COL28A1: variants seen among roughly 807,000 people sequenced by gnomAD.
The protein encoded by COL28A1 is collagen alpha-1(XXVIII) chain.
In COL28A1, 161 loss-of-function variants were observed where a neutral mutation model predicts 150.2. The observed-to-expected ratio is 1.07, with a 90% CI of 0.94 to 1.22. The LOEUF (loss-of-function observed/expected upper bound fraction) is 1.22. Among genes scored for constraint, COL28A1 ranks in the 50% most tolerant of loss-of-function variants. The probability of loss-of-function intolerance (pLI) is 0.00; values close to 1 mark genes in which losing one functional copy is unlikely to be tolerated. For synonymous variants in COL28A1, 552 were observed against 469.7 expected, an observed-to-expected ratio of 1.18 and a Z score of -2.26; for missense variants, 1,617 against 1,388.3, an observed-to-expected ratio of 1.16 and a Z score of -2.62.
chr7:7,360,548 T>C lies in COL28A1; in HGVS notation c.3067-20A>G, dbSNP rs954323026. The C allele has an allele frequency of 1.3e-6, 2 of 1,589,202 alleles. No homozygotes were observed. The highest frequency in any genetic ancestry group is 3.5e-4 in the Middle Eastern group (2 of 5,682). Reference sequence around the variant, plus strand: ...ACTCAACTACACAAAAATATTCACATTTTGTGTTTCTGATAATATCAAGTA... The same window carrying C: ...ACTCAACTACACAAAAATATTCACACTTTGTGTTTCTGATAATATCAAGTA... On this transcript the variant is annotated intron_variant, in intron 33 of 34. Coordinates refer to ENST00000399429, the MANE Select transcript of COL28A1 (RefSeq NM_001037763.3).
chr7:7,465,324 G>T (rs974889324), intron 15 of COL28A1, among the ~76,000 whole-genome samples: 6 of 144,252 alleles, frequency 4.2e-5, no homozygotes, highest in East Asian at 2.1e-4. Flanking sequence ...TTCCCTTTCC[G>T]AGTCAAAGAA....
At chr7:7,463,603 T>C (rs1193283610) in intron 15 of COL28A1, among the ~76,000 whole-genome samples, 3 of 152,186 alleles carry the variant, frequency 2.0e-5, no homozygotes, top group Non-Finnish European at 4.4e-5. Context: ...ATACAGTCTT[T>C]TTCAGACAAA....
At chr7:7,380,628 A>T in intron 30 of COL28A1, 32 bp downstream of exon 30, 1 of 1,600,866 alleles carries the variant, frequency 6.2e-7, no homozygotes, top group Non-Finnish European at 8.5e-7. Flanking sequence ...CAAGCACAAA[A>T]CCCTCAATTA....
chr7:7,542,215 G>T, the COL28A1 span, among the ~76,000 whole-genome samples: 1 of 152,166 alleles, frequency 6.6e-6, no homozygotes, highest in African/African-American at 2.4e-5. Context: ...GGGCGTGGTG[G>T]TGCATGCCTG....
intron 13 of COL28A1, among the ~76,000 whole-genome samples, chr7:7,488,650 G>A (rs572885403): frequency 7.2e-5 from 11 of 152,288 alleles, no homozygotes; most frequent in Non-Finnish European, 1.5e-4. Context: ...AAGAGATGCT[G>A]TGAATAACGC....
At chr7:7,475,141 TTA>T (rs1421021931) in intron 14 of COL28A1, among the ~76,000 whole-genome samples, 22 of 152,148 alleles carry the variant, frequency 1.4e-4, no homozygotes, top group Admixed American at 1.3e-4. Flanking sequence ...CATTGAAAAT[TTA>T]TGTTTAAAAG....
intron 3 of COL28A1, among the ~76,000 whole-genome samples, chr7:7,526,819 G>A (rs1782049765): frequency 1.3e-5 from 2 of 152,070 alleles, no homozygotes; most frequent in African/African-American, 4.8e-5. Context: ...ATTTTTAGTA[G>A]AGACAGGGTT....
chr7:7,365,727 G>C (rs886499755), intron 33 of COL28A1, among the ~76,000 whole-genome samples: 4 of 152,140 alleles, frequency 2.6e-5, no homozygotes, highest in Non-Finnish European at 5.9e-5. Context: ...TTTGTGTTAA[G>C]ACTTAGCATA....
chr7:7,376,506 G>C (rs1277611193), intron 30 of COL28A1, among the ~76,000 whole-genome samples: 5 of 152,092 alleles, frequency 3.3e-5, no homozygotes, highest in Admixed American at 3.3e-4. Context: ...CTGCAGTGCT[G>C]AGTTATATAA....
chr7:7,379,525 C>G (rs1781748568), intron 30 of COL28A1, among the ~76,000 whole-genome samples: 1 of 152,214 alleles, frequency 6.6e-6, no homozygotes, highest in Non-Finnish European at 1.5e-5. Context: ...TCTTTGTTGT[C>G]TTTCTCTCCA....
chr7:7,462,861 CAAA>C (rs3040227), intron 15 of COL28A1, among the ~76,000 whole-genome samples: 5 of 113,920 alleles, frequency 4.4e-5, no homozygotes, highest in African/African-American at 8.5e-5. Flanking sequence ...AACTCCATCT[CAAA>C]AAAAAAAAAA....
At chr7:7,485,491 AG>A (rs940523000) in intron 13 of COL28A1, among the ~76,000 whole-genome samples, 2 of 152,080 alleles carry the variant, frequency 1.3e-5, no homozygotes, top group African/African-American at 4.8e-5. Context: ...ATTACTTTTT[AG>A]GGGGGGATCA....
rs574826123 is a variant in COL28A1, at chr7:7,490,186, C to T, written c.1095+392G>A. 2.6e-5 allele frequency among the ~76,000 whole-genome samples: 4 copies of T among 152,294 alleles called. No homozygotes were observed. The South Asian group carries it at 8.3e-4, about 32-fold the overall frequency. On this transcript the variant is annotated intron_variant, in intron 12 of 34. Transcript: ENST00000399429. ...TCTGCCAACATTGACCTATTCATTG[C>T]CATGGCCCTTCTGGTTTCTGCCCCT...
At chr7:7,464,902 C>T (rs1179991355) in intron 15 of COL28A1, among the ~76,000 whole-genome samples, 2 of 151,942 alleles carry the variant, frequency 1.3e-5, no homozygotes, top group African/African-American at 4.8e-5. Flanking sequence ...GCAAGATTAA[C>T]CAAGAAAAGA....
intron 33 of COL28A1, among the ~76,000 whole-genome samples, chr7:7,365,886 AG>A (rs1191510052): frequency 9.2e-5 from 14 of 152,074 alleles, no homozygotes; most frequent in African/African-American, 3.4e-4. Context: ...CTTCTTTGTC[AG>A]GTCTCTCTGC....
chr7:7,374,038 A>AATATATATATATATATATATATAT (rs60964603), intron 31 of COL28A1, among the ~76,000 whole-genome samples: 1 of 113,658 alleles, frequency 8.8e-6, no homozygotes, highest in Non-Finnish European at 1.7e-5. Context: ...AAAAAAAAAA[A>AATATATATATATATATATATATAT]ATATATATAT....
chr7:7,372,933 C>T, intron 32 of COL28A1, 65 bp downstream of exon 32: 2 of 1,399,118 alleles, frequency 1.4e-6, no homozygotes, highest in Non-Finnish European at 2.0e-6. Flanking sequence ...CAGGACAAAC[C>T]AGTGATATGG....
intron 27 of COL28A1, among the ~76,000 whole-genome samples, chr7:7,412,885 T>A (rs569882568): frequency 6.6e-6 from 1 of 152,120 alleles, no homozygotes; most frequent in Non-Finnish European, 1.5e-5. Context: ...AGATAAATGA[T>A]TTGTCTAAGG....
chr7:7,521,405 T>C (rs2115197729), intron 5 of COL28A1, among the ~76,000 whole-genome samples: 1 of 152,276 alleles, frequency 6.6e-6, no homozygotes, highest in East Asian at 1.9e-4. Context: ...TGTGCTTACT[T>C]CCATTTCACA....
Sources: gnomAD v4.1 joint callset for allele counts (sites outside exome capture counted in the v4.1 genomes callset) on GRCh38, gnomAD v4.1.1 for gene constraint, MANE v1.5 for transcripts, NCBI Gene and HGNC (gene_info 2026-07-23, HGNC 2026-07-21) for gene names.